Variants in ADPRHL1 observed in about 807,000 individuals in gnomAD.
ADPRHL1 encodes the protein inactive ADP-ribosyltransferase ARH2.
In ADPRHL1, 43 loss-of-function variants were observed where a neutral mutation model predicts 44.1. The ratio of observed to expected loss-of-function variants is 0.98; its 90% confidence interval spans 0.76 to 1.26. The LOEUF is 1.26. Among genes scored for constraint, ADPRHL1 ranks in the 50% most tolerant of loss-of-function variants. The pLI is 0.00. For synonymous variants in ADPRHL1, 878 were observed against 1,017.4 expected (o/e 0.86, Z 2.61); for missense variants, 2,022 against 2,496.9 (o/e 0.81, Z 4.05).
In ADPRHL1 at chr13:113,422,898, T is replaced by A. The variant is rs778955335; in HGVS notation, c.989A>T (p.Tyr330Phe). Residue 330 changes from tyrosine to phenylalanine, a missense_variant, in exon 7 of 8, where the codon TAC becomes TTC. Around this residue, in one of 8 missense-constraint regions of ADPRHL1, gnomAD observed 1,221 missense variants for 1,517.8 expected, o/e 0.80. Coordinates refer to ENST00000612156, the MANE Select transcript of ADPRHL1 (RefSeq NM_001394807.1). The part of the protein sequence containing the change: ...YGLDLVPKGL[Y>F]QDLEDKEKLE... ...CTTCTCCTTGTCCTCCAGGTCCTGG[T>A]ACAAGCCTTTGGGAACGAGGTCCAG... The A allele has an allele frequency of 7.4e-6, 12 of 1,612,902 alleles. No individual in the cohort carries two copies. Among genetic ancestry groups the A allele is most frequent in the Non-Finnish European group, 1.7e-6 (2 of 1,179,992 alleles).
Position 113,453,158 on chromosome 13 carries a change from T to C in ADPRHL1, c.214+66A>G, listed in dbSNP as rs1393918414. 1.9e-6 allele frequency: 3 copies of C among 1,570,196 alleles called. No homozygotes were observed. Among genetic ancestry groups the C allele is most frequent in the African/African-American group, 1.4e-5 (1 of 73,960 alleles). Reference sequence around the variant, plus strand: ...GCCTTCAAAGCTCTCGGAGGCTTACTGGGAGAACTCGAGCAGCCAGTGTTC... The same window carrying C: ...GCCTTCAAAGCTCTCGGAGGCTTACCGGGAGAACTCGAGCAGCCAGTGTTC... On this transcript the variant is annotated intron_variant, in intron 1 of 7. Coordinates refer to ENST00000612156, the MANE Select transcript of ADPRHL1 (RefSeq NM_001394807.1). The surrounding 1 kb of genome is among the most constrained non-coding windows in gnomAD (Gnocchi z 5.4).
At chr13:113,434,679 G>A (rs113904502) in intron 2 of ADPRHL1, among the ~76,000 whole-genome samples, 26 of 95,438 alleles carry the variant, frequency 2.7e-4, no homozygotes, top group African/African-American at 7.2e-4. Context: ...CCCGGGACCC[G>A]GCACCCAGGT....
intron 4 of ADPRHL1, among the ~76,000 whole-genome samples, chr13:113,426,498 G>A (rs919131151): frequency 1.3e-5 from 2 of 152,222 alleles, no homozygotes; most frequent in Non-Finnish European, 2.9e-5. Context: ...GGGCTGCAGC[G>A]GGGAGGCTAC....
In ADPRHL1 at chr13:113,422,956, T is replaced by C. The variant is rs868030296; in HGVS notation, c.931A>G (p.Ile311Val). 3.1e-6 allele frequency: 5 copies of C among 1,612,812 alleles called. No homozygotes were observed. The Middle Eastern group carries it at 4.9e-4, about 160-fold the overall frequency. The change falls in exon 7 of 8, where the codon ATT (isoleucine) becomes GTT (valine). Residue 311 changes from isoleucine (I) to valine (V), a missense_variant. By Grantham distance (29) the Ile-to-Val change is conservative. Around this residue, in one of 8 missense-constraint regions of ADPRHL1, gnomAD observed 437 missense variants for 430.7 expected, o/e 1.01. Coordinates refer to ENST00000612156, the MANE Select transcript of ADPRHL1 (RefSeq NM_001394807.1). ...AGCAACCCGAACAGGCAGCCTGCAA[T>C]GGTGCCCGTGGCCGCGCTCTCCCCT... ...HGGESAATGT[I>V]AGCLFGLLYG...
At chr13:113,451,926 T>A (rs1449432866) in intron 1 of ADPRHL1, among the ~76,000 whole-genome samples, 1 of 152,196 alleles carries the variant, frequency 6.6e-6, no homozygotes, top group African/African-American at 2.4e-5. Flanking sequence ...GCCGCTGCCC[T>A]CCCTGCGGGC....
intron 7 of ADPRHL1, among the ~76,000 whole-genome samples, chr13:113,420,681 T>TAGC (rs1187415460): frequency 1.3e-5 from 2 of 152,004 alleles, no homozygotes; most frequent in Non-Finnish European, 2.9e-5. Flanking sequence ...AAAGCACCAG[T>TAGC]AGCAGCACAG....
chr13:113,430,327 A>AG (rs1215279620), intron 3 of ADPRHL1, among the ~76,000 whole-genome samples: 1 of 152,162 alleles, frequency 6.6e-6, no homozygotes, highest in Non-Finnish European at 1.5e-5. Flanking sequence ...ACAGCCCTGG[A>AG]GGGGCTGCCT....
In ADPRHL1 at chr13:113,453,129, C is replaced by T. The variant is rs1175449449; in HGVS notation, c.214+95G>A. ...GGTAACACCATCCGCTGAAGGACCG[C>T]ACTGCCTTCAAAGCTCTCGGAGGCT... is the stretch of plus-strand genomic sequence containing the variant. On this transcript the variant is annotated intron_variant, in intron 1 of 7. Coordinates refer to ENST00000612156, the MANE Select transcript of ADPRHL1 (RefSeq NM_001394807.1). This position sits in a 1 kb window ranked among gnomAD's most constrained non-coding sequence, Gnocchi z 5.4. 8.1e-6 allele frequency: 11 copies of T among 1,365,422 alleles called. No homozygotes were observed. Among genetic ancestry groups the T allele is most frequent in the Admixed American group, 1.8e-5 (1 of 55,606 alleles). The allele number at this position is 1,365,422 out of a possible 1,614,324, so 84.6% of individuals were successfully genotyped here.
At position 113,400,823 on chromosome 13, in the gene ADPRHL1, ACT is replaced by A. The variant is rs1392018356; in HGVS notation, c.*2553_*2554del. On this transcript the variant is annotated 3_prime_UTR_variant, in exon 8 of 8. Coordinates refer to ENST00000612156, the MANE Select transcript of ADPRHL1 (RefSeq NM_001394807.1). The stretch of plus-strand genomic sequence containing the variant: ...CAGGTGGCCTCCTGGCCGCTCACAG[ACT>A]CTGCGCCCGCCAGACTGTGAGAGGG... The A allele has an allele frequency of 1.3e-5, 2 of 151,994 alleles. No homozygotes were observed. Among genetic ancestry groups the A allele is most frequent in the African/African-American group, 4.8e-5 (2 of 41,368 alleles). The allele number at this position is 151,994 out of a possible 1,614,324, so 9.4% of individuals were successfully genotyped here.
Position 113,434,912 on chromosome 13 carries a change from T to C in ADPRHL1, c.380-1045A>G, listed in dbSNP as rs372120612. On this transcript the variant is annotated intron_variant, in intron 2 of 7. Transcript: ENST00000612156. Reference sequence around the variant, plus strand: ...CCAGCACCCAGGTGTAGAGTGAACATAGGTGTACCCCGGGACCCGGCACCC... The same window carrying C: ...CCAGCACCCAGGTGTAGAGTGAACACAGGTGTACCCCGGGACCCGGCACCC... 2.4e-3 allele frequency among the ~76,000 whole-genome samples: 183 copies of C among 75,126 alleles called. 1 individual carries two copies. The highest frequency in any genetic ancestry group is 3.2e-3 in the Non-Finnish European group (113 of 34,826). The allele number at this position is 75,126 out of a possible 152,430, so 49.3% of individuals were successfully genotyped here.
rs766539065 is a variant in ADPRHL1, at chr13:113,424,277, C to T, written c.847G>A (p.Ala283Thr). The T allele has an allele frequency of 1.6e-5, 25 of 1,612,866 alleles. No individual in the cohort carries two copies. Among genetic ancestry groups the T allele is most frequent in the East Asian group, 6.7e-5 (3 of 44,894 alleles). ...GHDAPMIAYDALLAAGNSWTE... is the reference protein window; with the variant it reads ...GHDAPMIAYDTLLAAGNSWTE... ...CAGCTGTTTCCTGCTGCAAGGAGGG[C>T]GTCATAGGCTATCATGGGGGCATCG... The change falls in exon 6 of 8, where the codon GCC (alanine) becomes ACC (threonine). Residue 283 changes from alanine to threonine, a missense_variant. Ala to Thr is a moderately conservative substitution (Grantham distance 58). This residue lies in a region of ADPRHL1 where 437 missense variants were observed against 430.7 expected (regional missense o/e 1.01). Transcript: ENST00000612156.
intron 3 of ADPRHL1, among the ~76,000 whole-genome samples, chr13:113,432,691 G>A (rs748650913): frequency 1.4e-4 from 22 of 152,300 alleles, no homozygotes; most frequent in Non-Finnish European, 2.4e-4. Context: ...GCAGAGCTGC[G>A]TGTTGATCGA....
At chr13:113,432,185 G>A (rs989270947) in intron 3 of ADPRHL1, among the ~76,000 whole-genome samples, 8 of 152,006 alleles carry the variant, frequency 5.3e-5, no homozygotes, top group Admixed American at 3.9e-4. Flanking sequence ...GTGCAATGGC[G>A]CAAACACAGC....
rs2043782321 is a variant in ADPRHL1, at chr13:113,403,834, C to T, written c.5448G>A (p.Arg1816=). 8.6e-7 allele frequency: 1 copy of T among 1,166,736 alleles called. No individual in the cohort carries two copies. The allele number at this position is 1,166,736 out of a possible 1,614,324, so 72.3% of individuals were successfully genotyped here. ...EQALTSGMAP[R]AWEQPISGIA... is the part of the protein sequence containing the mutation. The stretch of plus-strand genomic sequence containing the variant: ...TGCCACTAATGGGCTGCTCCCAGGC[C>T]CGAGGCGCCATCCCACTTGTCAAGG... Residue 1816 remains arginine, a synonymous_variant, in exon 8 of 8, where the codon CGG becomes CGA. Transcript: ENST00000612156.
chr13:113,412,451 G>T (rs1416680441), intron 7 of ADPRHL1, among the ~76,000 whole-genome samples: 9 of 152,198 alleles, frequency 5.9e-5, no homozygotes, highest in Admixed American at 2.6e-4. Context: ...GTGCTGGGAT[G>T]ACAGGCGTGA....
At chr13:113,450,126 T>C (rs1156623672) in intron 1 of ADPRHL1, among the ~76,000 whole-genome samples, 2 of 152,170 alleles carry the variant, frequency 1.3e-5, no homozygotes, top group Non-Finnish European at 2.9e-5. Flanking sequence ...CTATGTTTCC[T>C]AGGCTGATCT....
At chr13:113,432,252 A>G (rs1050487407) in intron 3 of ADPRHL1, among the ~76,000 whole-genome samples, 2 of 152,146 alleles carry the variant, frequency 1.3e-5, no homozygotes. Context: ...GTAGCTGGAA[A>G]CACAGGTGCG....
intron 2 of ADPRHL1, among the ~76,000 whole-genome samples, chr13:113,442,104 G>C (rs2044103556): frequency 1.3e-5 from 2 of 152,356 alleles, no homozygotes; most frequent in African/African-American, 2.4e-5. Context: ...TTCAGCTTTT[G>C]TTTGTCTGAG....
chr13:113,428,808 C>A, intron 4 of ADPRHL1, 144 bp downstream of exon 4: 1 of 1,319,890 alleles, frequency 7.6e-7, no homozygotes, highest in Non-Finnish European at 1.0e-6. Context: ...CCTTGCGAGG[C>A]CAGCTCTGCT....
Sources: allele counts gnomAD v4.1 joint callset (sites outside exome capture counted in the v4.1 genomes callset), GRCh38; gene constraint gnomAD v4.1.1; regional missense constraint gnomAD v4.1.1; non-coding constraint Gnocchi (gnomAD v3.1); transcripts MANE v1.5; gene names NCBI Gene and HGNC (gene_info 2026-07-23, HGNC 2026-07-21).